CLBA1: variants seen among roughly 807,000 people sequenced by gnomAD.
CLBA1 encodes clathrin binding box of aftiphilin containing 1.
A neutral mutation model predicts 28.8 loss-of-function variants in CLBA1; 30 were observed. The observed-to-expected ratio is 1.04, with a 90% CI of 0.78 to 1.41. The LOEUF is 1.41. Among genes scored for constraint, CLBA1 ranks in the 40% most tolerant of loss-of-function variants. The probability of loss-of-function intolerance (pLI) is 0.00; values close to 1 mark genes in which losing one functional copy is unlikely to be tolerated. For synonymous variants in CLBA1, 160 were observed against 152.8 expected (o/e 1.05, Z -0.35); for missense variants, 451 against 412.3 (o/e 1.09, Z -0.81).
chr14:105,000,624 C>T (rs185168114), intron 2 of CLBA1, among the ~76,000 whole-genome samples: 4 of 152,214 alleles, frequency 2.6e-5, no homozygotes, highest in East Asian at 1.9e-4. Context: ...TATATACACA[C>T]ACACAAATGA....
At chr14:104,989,559 G>A (rs897741781) in intron 2 of CLBA1, 36 of 455,354 alleles carry the variant, frequency 7.9e-5, no homozygotes, top group Middle Eastern at 4.3e-4. Context: ...GGGTGCTCCC[G>A]GTGCTGCCTG....
chr14:104,990,939 T>G (rs557878112), intron 2 of CLBA1: 30 of 154,228 alleles, frequency 1.9e-4, no homozygotes, highest in Admixed American at 1.3e-3. Flanking sequence ...TGTTGAAGGA[T>G]GGCACGTGTT....
At chr14:104,999,208 C>CT (rs1294249201), downstream of CLBA1, 1 of 985,202 alleles carries the variant, frequency 1.0e-6, no homozygotes, top group African/African-American at 1.7e-5. Context: ...CTGTCCTGGC[C>CT]TTTGATTCCT....
intron 1 of CLBA1, 116 bp downstream of exon 1, chr14:104,986,970 G>A (rs1566931753): frequency 3.2e-6 from 4 of 1,244,548 alleles, no homozygotes; most frequent in South Asian, 1.4e-5. Flanking sequence ...GCCCCAGAGC[G>A]TCTGCTTCTC....
chr14:104,990,167 G>C (rs555508037), intron 2 of CLBA1: 110 of 166,482 alleles, frequency 6.6e-4, no homozygotes, highest in African/African-American at 2.5e-3. Context: ...CACAACTCGC[G>C]GACCCAGAGG....
chr14:104,989,558 C>G, intron 2 of CLBA1: 3 of 455,494 alleles, frequency 6.6e-6, no homozygotes, highest in South Asian at 4.6e-5. Context: ...GGGGTGCTCC[C>G]GGTGCTGCCT....
In CLBA1 at chr14:104,993,050, C is replaced by G; in HGVS notation, c.802C>G (p.Leu268Val). Reference sequence around the variant, plus strand: ...CTTCTGTCTCCAGCATTGCAAAGCCCTGATCCAGACCAAGGTGAGTGGTCA... The same window carrying G: ...CTTCTGTCTCCAGCATTGCAAAGCCGTGATCCAGACCAAGGTGAGTGGTCA... ...SSFCLQHCKA[L>V]IQTKLSGPPG... The change falls in exon 4 of 5, where the codon CTG becomes GTG. Residue 268 changes from leucine to valine, a missense_variant. Leu to Val is a conservative substitution (Grantham distance 32, BLOSUM62 1). Coordinates refer to ENST00000547315, the MANE Select transcript of CLBA1 (RefSeq NM_174891.4). 6.2e-7 allele frequency: 1 copy of G among 1,613,884 alleles called. No individual in the cohort carries two copies. The highest frequency in any genetic ancestry group is 8.5e-7 in the Non-Finnish European group (1 of 1,179,936).
intron 3 of CLBA1, 133 bp downstream of exon 3, chr14:104,991,753 G>C: frequency 1.8e-6 from 2 of 1,132,450 alleles, no homozygotes; most frequent in Non-Finnish European, 2.5e-6. Flanking sequence ...CCACTAGGTG[G>C]CCCCATAAAC....
At chr14:104,997,135 G>A (rs370763690), downstream of CLBA1, among the ~76,000 whole-genome samples, 7 of 152,174 alleles carry the variant, frequency 4.6e-5, no homozygotes, top group Non-Finnish European at 8.8e-5. Flanking sequence ...TGGAAATGGC[G>A]GGTGACATTC....
In CLBA1 at chr14:104,991,520, T is replaced by C; in HGVS notation, c.599T>C (p.Leu200Pro). The C allele has an allele frequency of 6.2e-7, 1 of 1,614,048 alleles. No homozygotes were observed. Among genetic ancestry groups the C allele is most frequent in the Non-Finnish European group, 8.5e-7 (1 of 1,179,904 alleles). ...GAATCCAGAAAACTCTGGAGAGCCC[T>C]TCAGAGCATACACACCACGTCTACT... ...CNESRKLWRA[L>P]QSIHTTSTSQ... The change falls in exon 3 of 5, where the codon CTT becomes CCT. Residue 200 changes from leucine to proline, a missense_variant. Coordinates refer to ENST00000547315, the MANE Select transcript of CLBA1 (RefSeq NM_174891.4).
intron 1 of CLBA1, among the ~76,000 whole-genome samples, chr14:104,987,621 T>TC (rs1899901932): frequency 8.3e-6 from 1 of 120,674 alleles, no homozygotes; most frequent in Admixed American, 8.5e-5. Context: ...TTTTTTTTTT[T>TC]TTTTTTTTTT....
intron 4 of CLBA1, chr14:104,994,037 C>T: frequency 2.0e-6 from 2 of 984,882 alleles, no homozygotes; most frequent in Non-Finnish European, 2.4e-6. Flanking sequence ...ATGATCAGCA[C>T]ACAGGTGACA....
intron 1 of CLBA1, among the ~76,000 whole-genome samples, chr14:104,988,191 C>T (rs1030512566): frequency 2.0e-5 from 3 of 152,112 alleles, no homozygotes; most frequent in Non-Finnish European, 4.4e-5. Flanking sequence ...CTTAGTGCCC[C>T]AATGTAGCAC....
At chr14:104,991,382 C>A in intron 2 of CLBA1, 109 bp from the exon 3 acceptor site, 7 of 1,371,594 alleles carry the variant, frequency 5.1e-6, no homozygotes, top group Non-Finnish European at 7.1e-6. Context: ...GTGCGCGTCT[C>A]GGCTTGCGGG....
chr14:104,994,196 C>G, intron 4 of CLBA1: 7 of 985,416 alleles, frequency 7.1e-6, no homozygotes, highest in Non-Finnish European at 8.4e-6. Flanking sequence ...TTCACAGCAG[C>G]CGGTGGGGGA....
intron 2 of CLBA1, chr14:104,989,937 C>T (rs1320468735): frequency 3.0e-6 from 1 of 330,712 alleles, no homozygotes; most frequent in Non-Finnish European, 6.1e-6. Flanking sequence ...GGGGTCCAAC[C>T]AGCACCTGCC....
At chr14:104,988,087 CAAGA>C (rs78728061) in intron 1 of CLBA1, among the ~76,000 whole-genome samples, 74,380 of 151,504 alleles carry the variant, frequency 0.49, 21,787 homozygotes, top group Non-Finnish European at 0.66. Context: ...TGAAATTTCA[CAAGA>C]AAGAGTAGAT....
chr14:104,988,419 G>GC (rs1378328545), intron 1 of CLBA1, among the ~76,000 whole-genome samples: 1 of 147,262 alleles, frequency 6.8e-6, no homozygotes, highest in Non-Finnish European at 1.5e-5. Context: ...TGCAACTTCT[G>GC]CCCCCCACCC....
intron 2 of CLBA1, 162 bp from the exon 3 acceptor site, chr14:104,991,329 A>T (rs1384189650): frequency 1.4e-6 from 1 of 731,320 alleles, no homozygotes; most frequent in East Asian, 3.2e-5. Context: ...CAGCCCGGGA[A>T]CACTGTTTTT....
Sources: gnomAD v4.1 joint callset for allele counts (sites outside exome capture counted in the v4.1 genomes callset) on GRCh38, gnomAD v4.1.1 for gene constraint, MANE v1.5 for transcripts, NCBI Gene and HGNC (gene_info 2026-07-23, HGNC 2026-07-21) for gene names.